The following SLC13A3 variants were observed in gnomAD, a reference collection of about 807,000 sequenced individuals.
The protein encoded by SLC13A3 is solute carrier family 13 member 3, also known as Na(+)/dicarboxylate cotransporter 3.
Under a neutral mutation model 59.0 loss-of-function variants are expected in SLC13A3, and 40 were observed. The observed-to-expected ratio is 0.68, with a 90% CI of 0.53 to 0.88. SLC13A3 has a LOEUF of 0.88. Ranked by LOEUF, SLC13A3 falls within the 40% of genes least tolerant of loss-of-function variation. The pLI is 0.00. For missense variants in SLC13A3, 699 were observed against 783.2 expected, an observed-to-expected ratio of 0.89 and a Z score of 1.28; for synonymous variants, 317 against 330.3, an observed-to-expected ratio of 0.96 and a Z score of 0.44.
intron 6 of SLC13A3, 101 bp downstream of exon 6, chr20:46,592,303 A>G: frequency 7.1e-7 from 1 of 1,412,074 alleles, no homozygotes; most frequent in Non-Finnish European, 9.8e-7. Context: ...AGAATACAAC[A>G]TGAAATAACA....
At chr20:46,620,386 T>C (rs189076108) in intron 1 of SLC13A3, among the ~76,000 whole-genome samples, 1 of 152,336 alleles carries the variant, frequency 6.6e-6, no homozygotes, top group East Asian at 1.9e-4. Flanking sequence ...TACTAACTTA[T>C]TATCACATGT....
At chr20:46,613,835 G>C in intron 1 of SLC13A3, 110 bp from the exon 2 acceptor site, 1 of 985,632 alleles carries the variant, frequency 1.0e-6, no homozygotes, top group Non-Finnish European at 1.5e-6. Context: ...GGGGCAGAGG[G>C]GGAAGGAGGC....
At chr20:46,639,925 C>A (rs939127021) in intron 1 of SLC13A3, among the ~76,000 whole-genome samples, 4 of 152,170 alleles carry the variant, frequency 2.6e-5, no homozygotes, top group Admixed American at 6.5e-5. Context: ...TTGAATCTTA[C>A]CTCGGCCACT....
At chr20:46,632,961 A>T (rs2122822971) in intron 1 of SLC13A3, among the ~76,000 whole-genome samples, 1 of 152,020 alleles carries the variant, frequency 6.6e-6, no homozygotes, top group South Asian at 2.1e-4. Flanking sequence ...CTATCTATCT[A>T]TCTATCTGTT....
chr20:46,655,527 T>C (rs35681094), upstream of SLC13A3, among the ~76,000 whole-genome samples: 11 of 147,640 alleles, frequency 7.5e-5, no homozygotes, highest in Non-Finnish European at 1.5e-4. Context: ...TTTTATATAG[T>C]ATATATTATA....
At chr20:46,680,839 T>C (rs754481804) in intron 1 of SLC13A3, among the ~76,000 whole-genome samples, 3 of 152,230 alleles carry the variant, frequency 2.0e-5, no homozygotes, top group Non-Finnish European at 4.4e-5. Context: ...CAACTGTATC[T>C]GAGTCTGCTT....
chr20:46,668,661 C>A (rs148030738), intron 1 of SLC13A3, among the ~76,000 whole-genome samples: 1 of 152,198 alleles, frequency 6.6e-6, no homozygotes, highest in Non-Finnish European at 1.5e-5. Flanking sequence ...CTACACTGAA[C>A]AACAGATTTT....
At chr20:46,672,764 T>C (rs2063100687), upstream of SLC13A3, among the ~76,000 whole-genome samples, 1 of 152,124 alleles carries the variant, frequency 6.6e-6, no homozygotes, top group Admixed American at 6.5e-5. Flanking sequence ...GCCCTGAGGC[T>C]GTCATGCTGG....
chr20:46,566,447 A>C (rs2061981324), intron 10 of SLC13A3, 57 bp from the exon 11 acceptor site: 2 of 1,570,388 alleles, frequency 1.3e-6, no homozygotes, highest in Non-Finnish European at 8.7e-7. Context: ...GCCGCCCCCC[A>C]GAGAGGGTTA....
chr20:46,648,158 A>G (rs2062913174), intron 1 of SLC13A3, among the ~76,000 whole-genome samples: 1 of 152,178 alleles, frequency 6.6e-6, no homozygotes, highest in African/African-American at 2.4e-5. Context: ...CTCCATGTGC[A>G]TAACAAACCT....
chr20:46,601,510 T>C (rs916396623), intron 3 of SLC13A3, among the ~76,000 whole-genome samples: 3 of 152,198 alleles, frequency 2.0e-5, no homozygotes, highest in Non-Finnish European at 4.4e-5. Context: ...TACCTGGTGC[T>C]GAGTGACAAA....
chr20:46,617,441 C>T (rs1355587843), intron 1 of SLC13A3, among the ~76,000 whole-genome samples: 2 of 151,512 alleles, frequency 1.3e-5, no homozygotes, highest in Admixed American at 6.6e-5. Context: ...CTGGGCAACA[C>T]AGTGAAACCT....
chr20:46,633,683 A>T (rs1016839620), intron 1 of SLC13A3, among the ~76,000 whole-genome samples: 10 of 152,032 alleles, frequency 6.6e-5, no homozygotes, highest in Admixed American at 1.3e-4. Flanking sequence ...CCCTTGTTAA[A>T]CTCTACCCAC....
In SLC13A3 at chr20:46,559,203, T is replaced by C. The variant is rs2061910068; in HGVS notation, c.*819A>G. 1 of 152,296 alleles carries C rather than the reference T, an allele frequency of 6.6e-6. No homozygotes were observed. Among genetic ancestry groups the C allele is most frequent in the Non-Finnish European group, 1.5e-5 (1 of 68,218 alleles). The allele number at this position is 152,296 out of a possible 1,614,324, so 9.4% of individuals were successfully genotyped here. A position where few individuals can be genotyped will look rare whatever the true frequency, so the allele number is the denominator to read the frequency against. On this transcript the variant is annotated 3_prime_UTR_variant, in exon 13 of 13. Coordinates refer to ENST00000279027, the MANE Select transcript of SLC13A3 (RefSeq NM_022829.6). ...GCCACAGAGGCCTATGGGGGCCACA[T>C]GTAGGAGAGTCCTGGCTGGAGGGGT...
chr20:46,596,776 C>T (rs911202397), intron 4 of SLC13A3, among the ~76,000 whole-genome samples: 13 of 152,266 alleles, frequency 8.5e-5, no homozygotes, highest in African/African-American at 2.2e-4. Context: ...TGCAGCTGGG[C>T]GTGGTGGCTC....
chr20:46,645,205 T>C (rs964439363), intron 1 of SLC13A3, among the ~76,000 whole-genome samples: 2 of 152,214 alleles, frequency 1.3e-5, no homozygotes, highest in Admixed American at 1.3e-4. Context: ...TTCTCCTGCC[T>C]GCCTCTCAGA....
intron 1 of SLC13A3, among the ~76,000 whole-genome samples, chr20:46,621,197 C>T (rs966380728): frequency 6.6e-6 from 1 of 152,166 alleles, no homozygotes; most frequent in Non-Finnish European, 1.5e-5. Flanking sequence ...GGAAAGCTTC[C>T]CCAGAGAGTC....
intron 1 of SLC13A3, among the ~76,000 whole-genome samples, chr20:46,645,114 T>G (rs780887895): frequency 6.6e-6 from 1 of 152,172 alleles, no homozygotes; most frequent in Admixed American, 6.5e-5. Context: ...GGAGGCCACC[T>G]GCATTCCTCA....
chr20:46,639,610 C>T (rs901350754), intron 1 of SLC13A3, among the ~76,000 whole-genome samples: 1 of 152,186 alleles, frequency 6.6e-6, no homozygotes, highest in Non-Finnish European at 1.5e-5. Flanking sequence ...TTCCAAACTC[C>T]CACTCCAGTG....
Sources: gnomAD v4.1 joint callset for allele counts (sites outside exome capture counted in the v4.1 genomes callset) on GRCh38, gnomAD v4.1.1 for gene constraint, MANE v1.5 for transcripts, NCBI Gene and HGNC (gene_info 2026-07-23, HGNC 2026-07-21) for gene names.